Variants in BCAS3 observed in about 807,000 individuals in gnomAD.
The protein encoded by BCAS3 is BCAS3 microtubule associated cell migration factor.
BCAS3 carries 53 observed loss-of-function variants against 116.1 expected under a neutral mutation model. The observed-to-expected ratio is 0.46, with a 90% CI of 0.37 to 0.57. The LOEUF is 0.57. BCAS3 is among the 20% of genes least tolerant of loss of function. The probability of loss-of-function intolerance (pLI) is 0.00; values close to 1 mark genes in which losing one functional copy is unlikely to be tolerated. For missense variants in BCAS3, 917 were observed against 1,165.4 expected, an observed-to-expected ratio of 0.79 and a Z score of 3.10; for synonymous variants, 391 against 408.2, an observed-to-expected ratio of 0.96 and a Z score of 0.51.
At position 61,346,921 on chromosome 17, in the gene BCAS3, C is replaced by T. The variant is rs2057532697; in HGVS notation, c.2426-21406C>T. Among the ~76,000 whole-genome samples, 2 of 152,190 alleles carry T rather than the reference C, an allele frequency of 1.3e-5. No homozygotes were observed. The highest frequency in any genetic ancestry group is 4.8e-5 in the African/African-American group (2 of 41,440). On this transcript the variant is annotated intron_variant, in intron 22 of 23. Coordinates refer to ENST00000407086, the MANE Select transcript of BCAS3 (RefSeq NM_017679.5). The surrounding 1 kb of genome is among the most constrained non-coding windows in gnomAD (Gnocchi z 5.4). The stretch of plus-strand genomic sequence containing the variant: ...AGTCTCAAATCTGCAGAAGGCAGTT[C>T]GTCATGTCACTTGGTCACTTGGCAC...
chr17:60,754,976 G>T (rs1273959441), intron 6 of BCAS3, among the ~76,000 whole-genome samples: 2 of 152,182 alleles, frequency 1.3e-5, no homozygotes, highest in East Asian at 1.9e-4. Flanking sequence ...TACTACTTGT[G>T]ATCATTTAGG....
chr17:60,760,000 G>A (rs1025788585), intron 6 of BCAS3, among the ~76,000 whole-genome samples: 6 of 152,120 alleles, frequency 3.9e-5, no homozygotes, highest in African/African-American at 1.4e-4. Flanking sequence ...TATAGCTAGT[G>A]TTGCTCACAT....
Position 61,276,531 on chromosome 17 carries a change from T to C in BCAS3, c.2426-91796T>C, listed in dbSNP as rs2050772324. On this transcript the variant is annotated intron_variant, in intron 22 of 23. Coordinates refer to ENST00000407086, the MANE Select transcript of BCAS3 (RefSeq NM_017679.5). The surrounding 1 kb of genome is among the most constrained non-coding windows in gnomAD (Gnocchi z 4.2). ...TAAACTACAAATCACTGGGAGAAAT[T>C]ACAGAAGAACTAAATAAATGGAAAG... 6.6e-6 allele frequency among the ~76,000 whole-genome samples: 1 copy of C among 152,150 alleles called. No homozygotes were observed. Among genetic ancestry groups the C allele is most frequent in the South Asian group, 2.1e-4 (1 of 4,830 alleles).
intron 19 of BCAS3, among the ~76,000 whole-genome samples, chr17:61,070,524 A>G (rs2071326814): frequency 6.6e-6 from 1 of 151,324 alleles, no homozygotes; most frequent in South Asian, 2.1e-4. Flanking sequence ...CAGATGATTC[A>G]ATATCAAAAG....
chr17:61,283,568 C>G (rs1708125516), intron 22 of BCAS3, among the ~76,000 whole-genome samples: 1 of 151,954 alleles, frequency 6.6e-6, no homozygotes, highest in Admixed American at 6.6e-5. Flanking sequence ...ATTCTCCTGC[C>G]TCAGCCTCCC....
Position 60,947,357 on chromosome 17 carries a change from G to A in BCAS3, c.1221+5G>A. The A allele has an allele frequency of 6.2e-7, 1 of 1,611,642 alleles. No homozygotes were observed. The highest frequency in any genetic ancestry group is 1.3e-5 in the African/African-American group (1 of 74,950). ...AGGGGAGAAACTGAAGCCAAAGTAAGCTGTATAATTTTTCAGAAGGCGATT... is the reference window on the plus strand; with the variant it reads ...AGGGGAGAAACTGAAGCCAAAGTAAACTGTATAATTTTTCAGAAGGCGATT... On this transcript the variant is annotated splice_donor_5th_base_variant and intron_variant, in intron 14 of 23. Coordinates refer to ENST00000407086, the MANE Select transcript of BCAS3 (RefSeq NM_017679.5).
rs2066269984 is a variant in BCAS3, at chr17:61,026,690, C to T, written c.1638-7976C>T. On this transcript the variant is annotated intron_variant, in intron 16 of 23. Coordinates refer to ENST00000407086, the MANE Select transcript of BCAS3 (RefSeq NM_017679.5). This position sits in a 1 kb window ranked among gnomAD's most constrained non-coding sequence, Gnocchi z 5.0. ...CTGAAAATTAAGGGCCTTGTTACTA[C>T]ACATCATTCTGTTTATTGGTTATAT... Among the ~76,000 whole-genome samples the T allele has an allele frequency of 6.6e-6, 1 of 151,970 alleles. No homozygotes were observed. Among genetic ancestry groups the T allele is most frequent in the African/African-American group, 2.4e-5 (1 of 41,412 alleles).
At chr17:61,093,361 C>A (rs558371965) in intron 22 of BCAS3, among the ~76,000 whole-genome samples, 1 of 152,080 alleles carries the variant, frequency 6.6e-6, no homozygotes, top group Non-Finnish European at 1.5e-5. Context: ...CCCAAGTGGG[C>A]AGATTGCATG....
chr17:60,782,561 GTTATTATTATTATTATTATTATTA>G (rs59139545), intron 6 of BCAS3, among the ~76,000 whole-genome samples: 2 of 142,462 alleles, frequency 1.4e-5, no homozygotes, highest in South Asian at 2.2e-4. Context: ...GTCTTTATAA[GTTATTATTATTATTATTATTATTA>G]TTATTATTAT....
At chr17:60,864,126 G>A (rs2054389367) in intron 7 of BCAS3, among the ~76,000 whole-genome samples, 1 of 152,220 alleles carries the variant, frequency 6.6e-6, no homozygotes, top group African/African-American at 2.4e-5. Context: ...GCCAGGAGAG[G>A]AATATGTTTT....
chr17:60,760,035 C>CT (rs1176116073), intron 6 of BCAS3, among the ~76,000 whole-genome samples: 1 of 152,156 alleles, frequency 6.6e-6, no homozygotes, highest in African/African-American at 2.4e-5. Context: ...GATGGAGTAT[C>CT]TTTTTTCCAT....
At chr17:60,694,290 C>T (rs1434416583) in intron 4 of BCAS3, among the ~76,000 whole-genome samples, 1 of 151,938 alleles carries the variant, frequency 6.6e-6, no homozygotes, top group African/African-American at 2.4e-5. Flanking sequence ...ATCACAAGGT[C>T]AAGAGATCAG....
At chr17:61,080,202 G>A (rs1033319674) in intron 21 of BCAS3, among the ~76,000 whole-genome samples, 1 of 151,936 alleles carries the variant, frequency 6.6e-6, no homozygotes, top group African/African-American at 2.4e-5. Context: ...ACTGCACCTG[G>A]CCTCATCTCT....
At chr17:60,910,014 G>A (rs1201045610) in intron 11 of BCAS3, among the ~76,000 whole-genome samples, 1 of 152,116 alleles carries the variant, frequency 6.6e-6, no homozygotes, top group East Asian at 1.9e-4. Flanking sequence ...TTGGTATACA[G>A]TATTATATAA....
Position 61,315,785 on chromosome 17 carries a change from AT to A in BCAS3, c.2426-52541del, listed in dbSNP as rs1314761171. Among the ~76,000 whole-genome samples the A allele has an allele frequency of 6.6e-6, 1 of 151,776 alleles. No individual in the cohort carries two copies. The highest frequency in any genetic ancestry group is 1.9e-4 in the East Asian group (1 of 5,144). On this transcript the variant is annotated intron_variant, in intron 22 of 23. Coordinates refer to ENST00000407086, the MANE Select transcript of BCAS3 (RefSeq NM_017679.5). The surrounding 1 kb of genome is among the most constrained non-coding windows in gnomAD (Gnocchi z 5.3). Reference sequence around the variant, plus strand: ...CCTCACCCAGCACCTCTGCCCTCCCATCTGCCTCCACATGCCGCTGCGTCCC... The same window carrying A: ...CCTCACCCAGCACCTCTGCCCTCCCACTGCCTCCACATGCCGCTGCGTCCC...
intron 22 of BCAS3, among the ~76,000 whole-genome samples, chr17:61,291,246 G>T (rs2052383894): frequency 6.6e-6 from 1 of 152,148 alleles, no homozygotes; most frequent in Non-Finnish European, 1.5e-5. Context: ...AATAACCCAG[G>T]CTCCAACTCT....
chr17:61,231,717 ATAAT>A (rs1331238919), intron 22 of BCAS3, among the ~76,000 whole-genome samples: 5 of 152,104 alleles, frequency 3.3e-5, no homozygotes, highest in Non-Finnish European at 7.4e-5. Flanking sequence ...TCTCTACAAA[ATAAT>A]TTTACCATTA....
chr17:60,826,841 G>A (rs2050475255), intron 7 of BCAS3, among the ~76,000 whole-genome samples: 1 of 152,156 alleles, frequency 6.6e-6, no homozygotes, highest in Non-Finnish European at 1.5e-5. Flanking sequence ...GAAGAAAGAA[G>A]CCCACAAAAC....
intron 22 of BCAS3, among the ~76,000 whole-genome samples, chr17:61,358,036 T>TG (rs1222850299): frequency 6.7e-6 from 1 of 150,046 alleles, no homozygotes; most frequent in Non-Finnish European, 1.5e-5. Context: ...TACAGTGAGC[T>TG]GAAAGCATGC....
Sources: allele counts gnomAD v4.1 joint callset (sites outside exome capture counted in the v4.1 genomes callset), GRCh38; gene constraint gnomAD v4.1.1; non-coding constraint Gnocchi (gnomAD v3.1); transcripts MANE v1.5; gene names NCBI Gene and HGNC (gene_info 2026-07-23, HGNC 2026-07-21).